TBC1D12: variants seen among roughly 807,000 people sequenced by gnomAD.
TBC1D12 encodes TBC1 domain family, member 12.
A neutral mutation model predicts 86.7 loss-of-function variants in TBC1D12; 56 were observed. The observed-to-expected ratio is 0.65, with a 90% confidence interval of 0.52 to 0.81. TBC1D12 has a LOEUF of 0.81. Among genes scored for constraint, TBC1D12 ranks in the 30% least tolerant of loss-of-function variants. TBC1D12 has a pLI of 0.00. For missense variants in TBC1D12, 1,023 were observed against 1,038.8 expected (o/e 0.98, Z 0.21); for synonymous variants, 421 against 411.7 (o/e 1.02, Z -0.27).
intron 9 of TBC1D12, among the ~76,000 whole-genome samples, chr10:94,517,392 A>G (rs1842027064): frequency 6.6e-6 from 1 of 152,220 alleles, no homozygotes; most frequent in Non-Finnish European, 1.5e-5. Flanking sequence ...CAAACAAACA[A>G]AAATCCTCAC....
Position 94,522,478 on chromosome 10 carries a change from T to G in TBC1D12, c.2000+25T>G, listed in dbSNP as rs200344656. 2.2e-4 allele frequency: 203 copies of G among 943,916 alleles called. No individual in the cohort carries two copies. In the Middle Eastern group the frequency reaches 2.8e-3, roughly 13 times the overall value. The allele number at this position is 943,916 out of a possible 1,614,324, so 58.5% of individuals were successfully genotyped here. On this transcript the variant is annotated intron_variant, in intron 11 of 12. Coordinates refer to ENST00000225235, the MANE Select transcript of TBC1D12 (RefSeq NM_015188.2). The stretch of plus-strand genomic sequence containing the variant: ...GGTAAGTCATAACATACGTAATATA[T>G]AATAATGAAAAGGAAATAAAGTATA...
intron 9 of TBC1D12, among the ~76,000 whole-genome samples, chr10:94,518,706 T>G (rs1176466566): frequency 6.6e-6 from 1 of 152,212 alleles, no homozygotes; most frequent in Non-Finnish European, 1.5e-5. Flanking sequence ...TAACTTTTTC[T>G]TATTTTCTTT....
chr10:94,402,690 T>TGGGCCAGGACAGGAAGGTAATCC lies in TBC1D12; in HGVS notation c.84_106dup (p.Thr36ArgfsTer5). 1.9e-6 allele frequency: 3 copies of TGGGCCAGGACAGGAAGGTAATCC among 1,602,480 alleles called. No homozygotes were observed. The highest frequency in any genetic ancestry group is 1.7e-6 in the Non-Finnish European group (2 of 1,175,120). ...CTCCCGGTGCCTGCGCCGGACCCCG[T>TGGGCCAGGACAGGAAGGTAATCC]GGGCCAGGACAGGAAGGTAATCCGG... On this transcript the variant is annotated frameshift_variant, in exon 1 of 13. Coordinates refer to ENST00000225235, the MANE Select transcript of TBC1D12 (RefSeq NM_015188.2). LOFTEE classifies it high-confidence loss of function.
intron 2 of TBC1D12, among the ~76,000 whole-genome samples, chr10:94,455,838 G>A (rs1457210092): frequency 6.6e-6 from 1 of 152,068 alleles, no homozygotes; most frequent in African/African-American, 2.4e-5. Context: ...TGCGCCTGTA[G>A]TCCCAACTCC....
At chr10:94,505,351 G>A (rs911989644) in intron 6 of TBC1D12, among the ~76,000 whole-genome samples, 4 of 152,176 alleles carry the variant, frequency 2.6e-5, no homozygotes, top group Non-Finnish European at 5.9e-5. Context: ...GGCCGAGGCA[G>A]GTGGATCACA....
chr10:94,407,749 C>A (rs2054876666), intron 1 of TBC1D12, among the ~76,000 whole-genome samples: 1 of 151,160 alleles, frequency 6.6e-6, no homozygotes, highest in African/African-American at 2.4e-5. Context: ...TTTTTGAAGT[C>A]TTTTGTGTTT....
chr10:94,464,564 C>G (rs2055778511), intron 2 of TBC1D12, among the ~76,000 whole-genome samples: 1 of 152,186 alleles, frequency 6.6e-6, no homozygotes, highest in Non-Finnish European at 1.5e-5. Context: ...CTCCTGGGCT[C>G]AAGCCATCCT....
chr10:94,485,216 T>C lies in TBC1D12; in HGVS notation c.1212-8149T>C, dbSNP rs181110054. ...TTCAGTTTTTTCCCATTAAATATGATACTGCAAGTCTGTTGTATATGGCTT... is the reference window on the plus strand; with the variant it reads ...TTCAGTTTTTTCCCATTAAATATGACACTGCAAGTCTGTTGTATATGGCTT... On this transcript the variant is annotated intron_variant, in intron 3 of 12. Coordinates refer to ENST00000225235, the MANE Select transcript of TBC1D12 (RefSeq NM_015188.2). 2.0e-5 allele frequency among the ~76,000 whole-genome samples: 3 copies of C among 152,320 alleles called. No homozygotes were observed. The East Asian group carries it at 5.8e-4, about 29-fold the overall frequency.
At chr10:94,441,346 T>C (rs1384954132) in intron 1 of TBC1D12, among the ~76,000 whole-genome samples, 1 of 152,088 alleles carries the variant, frequency 6.6e-6, no homozygotes, top group Non-Finnish European at 1.5e-5. Context: ...ATAATATTTA[T>C]CCAAATATTG....
At chr10:94,477,016 T>G (rs1442139198) in intron 3 of TBC1D12, among the ~76,000 whole-genome samples, 1 of 152,200 alleles carries the variant, frequency 6.6e-6, no homozygotes, top group South Asian at 2.1e-4. Flanking sequence ...GGAATTGTCT[T>G]GAAATAACAT....
In TBC1D12 at chr10:94,522,404, C is replaced by G; in HGVS notation, c.1951C>G (p.Leu651Val). The G allele has an allele frequency of 3.4e-6, 5 of 1,463,842 alleles. No homozygotes were observed. The South Asian group carries it at 6.5e-5, about 19-fold the overall frequency. 90.7% of individuals were successfully genotyped at this position (1,463,842 alleles called of 1,614,324 possible). A position where few individuals can be genotyped will look rare whatever the true frequency, so the allele number is the denominator to read the frequency against. ...FFEENLSKLF[L>V]HFKSYSLTPD... is the part of the protein sequence containing the mutation. The stretch of plus-strand genomic sequence containing the variant: ...TGAAGAAAATCTTTCCAAATTATTT[C>G]TTCACTTCAAATCTTACAGTCTTAC... The change falls in exon 11 of 13, where the codon CTT becomes GTT. Residue 651 changes from leucine to valine, a missense_variant. By Grantham distance (32) the Leu-to-Val change is conservative (BLOSUM62 1). This residue lies in a region of TBC1D12 where 395 missense variants were observed against 507.7 expected (regional missense o/e 0.78). Transcript: ENST00000225235.
Position 94,474,750 on chromosome 10 carries a change from C to T in TBC1D12, c.1178C>T (p.Ser393Phe). The change falls in exon 3 of 13, where the codon TCT becomes TTT. Residue 393 changes from serine to phenylalanine, a missense_variant. Coordinates refer to ENST00000225235, the MANE Select transcript of TBC1D12 (RefSeq NM_015188.2). ...AAGAATTTTGAATTTGAGCCGCTTTCTACCACTGCCTTGATTCTTGAGGAT... is the reference window on the plus strand; with the variant it reads ...AAGAATTTTGAATTTGAGCCGCTTTTTACCACTGCCTTGATTCTTGAGGAT... The part of the protein sequence containing the change: ...RRKNFEFEPL[S>F]TTALILEDRP... The T allele has an allele frequency of 6.2e-7, 1 of 1,614,120 alleles. No individual in the cohort carries two copies. Among genetic ancestry groups the T allele is most frequent in the South Asian group, 1.1e-5 (1 of 91,082 alleles).
chr10:94,447,618 CAT>C (rs1022350578), intron 2 of TBC1D12: 16 of 985,054 alleles, frequency 1.6e-5, no homozygotes, highest in East Asian at 1.1e-4. Context: ...AGGATTATCA[CAT>C]GTGTTCTCTT....
In TBC1D12 at chr10:94,486,136, C is replaced by CTTTTTTTTTTTTTTTTTTTTTTTTT. The variant is rs760373766; in HGVS notation, c.1212-7227_1212-7226insTTTTTTTTTTTTTTTTTTTTTTTTT. 8.7e-4 allele frequency among the ~76,000 whole-genome samples: 105 copies of CTTTTTTTTTTTTTTTTTTTTTTTTT among 120,862 alleles called. 2 individuals carry two copies. The highest frequency in any genetic ancestry group is 1.4e-3 in the East Asian group (5 of 3,606). The allele number at this position is 120,862 out of a possible 152,430, so 79.3% of individuals were successfully genotyped here. A position where few individuals can be genotyped will look rare whatever the true frequency, so the allele number is the denominator to read the frequency against. On this transcript the variant is annotated intron_variant, in intron 3 of 12. Transcript: ENST00000225235. ...GCTCTTTTTCTTTTTTCTTCTTCTT[C>CTTTTTTTTTTTTTTTTTTTTTTTTT]TTCTTTTTTTTTTTTTTTTTTGTTA...
At chr10:94,510,070 G>C (rs763100649) in intron 7 of TBC1D12, 21 bp from the exon 8 acceptor site, 2 of 1,580,890 alleles carry the variant, frequency 1.3e-6, no homozygotes, top group Non-Finnish European at 1.7e-6. Context: ...CATTTAAATT[G>C]TATCTGCTTG....
chr10:94,492,788 T>C (rs2056263644), intron 3 of TBC1D12, among the ~76,000 whole-genome samples: 1 of 152,344 alleles, frequency 6.6e-6, no homozygotes, highest in Non-Finnish European at 1.5e-5. Flanking sequence ...ATGATGGGAA[T>C]GTTCTATATC....
chr10:94,531,277 G>A lies in TBC1D12; in HGVS notation c.2076G>A (p.Gly692=), dbSNP rs745764560. Residue 692 remains glycine, a synonymous_variant, in exon 12 of 13, where the codon GGG becomes GGA. Coordinates refer to ENST00000225235, the MANE Select transcript of TBC1D12 (RefSeq NM_015188.2). ...CRVWDVFCRD[G]EEFLFRTGLG... ...TCTGGGATGTATTTTGCAGAGATGG[G>A]GAAGAATTTTTATTTAGGACTGGAT... The A allele has an allele frequency of 6.2e-7, 1 of 1,613,950 alleles. No homozygotes were observed. The highest frequency in any genetic ancestry group is 8.5e-7 in the Non-Finnish European group (1 of 1,179,970).
intron 11 of TBC1D12, 35 bp downstream of exon 11, chr10:94,522,488 A>T (rs1842177096): frequency 2.3e-6 from 2 of 882,046 alleles, no homozygotes; most frequent in Non-Finnish European, 3.4e-6. Context: ...TAATAATGAA[A>T]AGGAAATAAA....
At chr10:94,462,753 G>A (rs2055749077) in intron 2 of TBC1D12, among the ~76,000 whole-genome samples, 1 of 152,064 alleles carries the variant, frequency 6.6e-6, no homozygotes, top group African/African-American at 2.4e-5. Flanking sequence ...TGTGGATAGT[G>A]ATGATCTCTC....
Sources: gnomAD v4.1 joint callset for allele counts (sites outside exome capture counted in the v4.1 genomes callset) on GRCh38, gnomAD v4.1.1 for gene constraint, gnomAD v4.1.1 regional missense constraint, MANE v1.5 for transcripts, NCBI Gene and HGNC (gene_info 2026-07-23, HGNC 2026-07-21) for gene names.